Variants in TMPRSS15 observed in about 807,000 individuals in gnomAD.
TMPRSS15 encodes the protein enteropeptidase.
A neutral mutation model predicts 125.3 loss-of-function variants in TMPRSS15; 128 were observed. The observed-to-expected ratio is 1.02, with a 90% CI of 0.89 to 1.18. The LOEUF (loss-of-function observed/expected upper bound fraction) is 1.18. TMPRSS15 is among the 50% of genes most tolerant of loss of function. The pLI, the probability that TMPRSS15 is intolerant of heterozygous loss-of-function variation, is 0.00. For synonymous variants in TMPRSS15, 446 were observed against 423.2 expected, an observed-to-expected ratio of 1.05 and a Z score of -0.66; for missense variants, 1,283 against 1,212.7, an observed-to-expected ratio of 1.06 and a Z score of -0.86.
At chr21:18,305,290 G>T (rs1296329220) in intron 18 of TMPRSS15, among the ~76,000 whole-genome samples, 1 of 143,392 alleles carries the variant, frequency 7.0e-6, no homozygotes, top group South Asian at 2.2e-4. Context: ...CCGGGTTCAC[G>T]CCATTCTCCT....
At chr21:18,289,173 T>C (rs866990105) in intron 21 of TMPRSS15, among the ~76,000 whole-genome samples, 1 of 152,182 alleles carries the variant, frequency 6.6e-6, no homozygotes, top group Admixed American at 6.6e-5. Flanking sequence ...AAGTTGATTT[T>C]CAAAGTTTTA....
Position 18,363,259 on chromosome 21 carries a change from C to T in TMPRSS15, c.773+1881G>A, listed in dbSNP as rs188640175. 3.9e-3 allele frequency among the ~76,000 whole-genome samples: 598 copies of T among 152,028 alleles called. 5 individuals carry two copies. The highest frequency in any genetic ancestry group is 0.012 in the Admixed American group (176 of 15,270). ...CTGTTTTGGGGTAACATCTTAGGTT[C>T]TTCAGGTTTTTAAAATAATCCATTT... On this transcript the variant is annotated intron_variant, in intron 7 of 24. Coordinates refer to ENST00000284885, the MANE Select transcript of TMPRSS15 (RefSeq NM_002772.3).
chr21:18,269,975 T>C lies in TMPRSS15; in HGVS notation c.3054A>G (p.Leu1018=), dbSNP rs2074534176. Residue 1018 remains leucine, a synonymous_variant, in exon 25 of 25, where the codon CTA becomes CTG. Transcript: ENST00000284885. ...GTTTAGTTTAAGAAATGCGCTAATG[T>C]AGAAAACTTTGTATCCATTCGGTAA... ...SRFTEWIQSF[L]H is the part of the protein sequence containing the mutation. The C allele has an allele frequency of 6.2e-7, 1 of 1,613,814 alleles. No homozygotes were observed. The highest frequency in any genetic ancestry group is 8.5e-7 in the Non-Finnish European group (1 of 1,179,786).
chr21:18,476,238 G>A (rs954482664), intron 1 of TMPRSS15, among the ~76,000 whole-genome samples: 1 of 152,086 alleles, frequency 6.6e-6, no homozygotes, highest in African/African-American at 2.4e-5. Context: ...GAGAAATGAT[G>A]TCCTTCTAAG....
intron 10 of TMPRSS15, among the ~76,000 whole-genome samples, chr21:18,352,351 C>A (rs909541556): frequency 1.3e-5 from 2 of 152,032 alleles, no homozygotes; most frequent in Non-Finnish European, 2.9e-5. Context: ...TAGAATCAGA[C>A]TTCCATAGGG....
In TMPRSS15 at chr21:18,272,419, G is replaced by A. The variant is rs565485938; in HGVS notation, c.2905-2295C>T. 5.5e-4 allele frequency among the ~76,000 whole-genome samples: 84 copies of A among 152,076 alleles called. 1 individual carries two copies. Among genetic ancestry groups the A allele is most frequent in the Middle Eastern group, 3.4e-3 (1 of 294 alleles). On this transcript the variant is annotated intron_variant, in intron 24 of 24. Transcript: ENST00000284885. ...TTCTTCCACTGTCTTGGAGATATAT[G>A]AGTACTTCAAAAATATGCATGGGAC...
At chr21:18,285,429 C>T (rs186940621) in intron 21 of TMPRSS15, among the ~76,000 whole-genome samples, 1 of 152,072 alleles carries the variant, frequency 6.6e-6, no homozygotes, top group Admixed American at 6.6e-5. Flanking sequence ...AAATTAAAAC[C>T]TTTTTCCTGT....
At chr21:18,273,695 G>T (rs186142929) in intron 24 of TMPRSS15, among the ~76,000 whole-genome samples, 8 of 152,228 alleles carry the variant, frequency 5.3e-5, no homozygotes, top group Admixed American at 2.6e-4. Context: ...TCCCTTCTGC[G>T]CAAGAATTCT....
At chr21:18,357,151 C>A (rs1020074244) in intron 8 of TMPRSS15, among the ~76,000 whole-genome samples, 2 of 151,856 alleles carry the variant, frequency 1.3e-5, no homozygotes, top group African/African-American at 4.8e-5. Context: ...TAAGCTCACT[C>A]ACCGTCTTCT....
At chr21:18,280,421 A>G (rs999924068) in intron 22 of TMPRSS15, among the ~76,000 whole-genome samples, 2 of 151,874 alleles carry the variant, frequency 1.3e-5, no homozygotes, top group African/African-American at 4.8e-5. Flanking sequence ...CTAAAAATAC[A>G]AGAAAAAAAA....
chr21:18,429,908 T>A (rs2076212821), intron 1 of TMPRSS15, among the ~76,000 whole-genome samples: 1 of 152,218 alleles, frequency 6.6e-6, no homozygotes, highest in South Asian at 2.1e-4. Flanking sequence ...CCATTAAGAA[T>A]TTTAAAGAGA....
intron 1 of TMPRSS15, among the ~76,000 whole-genome samples, chr21:18,432,184 T>C (rs890297234): frequency 6.6e-6 from 1 of 152,146 alleles, no homozygotes; most frequent in African/African-American, 2.4e-5. Flanking sequence ...CATTCCTCTT[T>C]CCTACTTGGA....
At chr21:18,435,795 G>T (rs1234886545) in intron 1 of TMPRSS15, among the ~76,000 whole-genome samples, 1 of 152,178 alleles carries the variant, frequency 6.6e-6, no homozygotes, top group Non-Finnish European at 1.5e-5. Flanking sequence ...ATTGATTATT[G>T]TCACAATTTC....
At chr21:18,371,573 A>G (rs2075792075) in intron 6 of TMPRSS15, among the ~76,000 whole-genome samples, 1 of 152,176 alleles carries the variant, frequency 6.6e-6, no homozygotes, top group Non-Finnish European at 1.5e-5. Flanking sequence ...AAATAATGTT[A>G]TTGTCATTAA....
chr21:18,372,520 T>C (rs370202723), intron 5 of TMPRSS15, among the ~76,000 whole-genome samples, 196 bp from the exon 6 acceptor site: 3 of 152,304 alleles, frequency 2.0e-5, no homozygotes, highest in African/African-American at 2.4e-5. Context: ...TGTGGGGCAA[T>C]TTTGGAAAGC....
At chr21:18,453,566 A>C (rs903393656) in intron 1 of TMPRSS15, among the ~76,000 whole-genome samples, 1 of 152,228 alleles carries the variant, frequency 6.6e-6, no homozygotes, top group African/African-American at 2.4e-5. Flanking sequence ...GGAGATTTAG[A>C]GACGAGCTTA....
At chr21:18,470,319 AC>A (rs1334533957) in intron 1 of TMPRSS15, among the ~76,000 whole-genome samples, 8 of 141,762 alleles carry the variant, frequency 5.6e-5, no homozygotes, top group Non-Finnish European at 2.9e-5. Flanking sequence ...AATACAGAAA[AC>A]AAAAAAAAAA....
intron 1 of TMPRSS15, among the ~76,000 whole-genome samples, chr21:18,482,254 TA>T (rs1422458111): frequency 6.6e-6 from 1 of 151,540 alleles, no homozygotes; most frequent in Non-Finnish European, 1.5e-5. Flanking sequence ...TCCTGAGAAT[TA>T]AATCTTCCAA....
chr21:18,484,737 T>C (rs146852090), intron 1 of TMPRSS15, among the ~76,000 whole-genome samples: 193 of 151,924 alleles, frequency 1.3e-3, no homozygotes, highest in African/African-American at 4.6e-3. Context: ...TATGGGTGAA[T>C]CTGTTTCTGT....
Sources: gnomAD v4.1 joint callset for allele counts (sites outside exome capture counted in the v4.1 genomes callset) on GRCh38, gnomAD v4.1.1 for gene constraint, MANE v1.5 for transcripts, NCBI Gene and HGNC (gene_info 2026-07-23, HGNC 2026-07-21) for gene names.